Variants in CWC27 observed in about 807,000 individuals in gnomAD.
CWC27 encodes CWC27 spliceosome associated cyclophilin.
A neutral mutation model predicts 63.6 loss-of-function variants in CWC27; 47 were observed. The observed-to-expected ratio is 0.74, with a 90% confidence interval of 0.58 to 0.94. The LOEUF is 0.94. Ranked by LOEUF, CWC27 falls within the 40% of genes least tolerant of loss-of-function variation. The pLI is 0.00. For synonymous variants in CWC27, 175 were observed against 179.8 expected, an observed-to-expected ratio of 0.97 and a Z score of 0.22; for missense variants, 495 against 554.3, an observed-to-expected ratio of 0.89 and a Z score of 1.07.
chr5:64,917,970 A>C (rs1156566399), intron 11 of CWC27, among the ~76,000 whole-genome samples: 2 of 152,012 alleles, frequency 1.3e-5, no homozygotes, highest in Non-Finnish European at 2.9e-5. Context: ...ACACACACAC[A>C]TTGGTTGTAT....
chr5:64,993,532 C>A (rs1247592709), intron 13 of CWC27, among the ~76,000 whole-genome samples: 1 of 151,706 alleles, frequency 6.6e-6, no homozygotes, highest in African/African-American at 2.4e-5. Context: ...TTACAAAATG[C>A]GGAGGCTGGC....
intron 11 of CWC27, among the ~76,000 whole-genome samples, chr5:64,948,523 A>G (rs1002396099): frequency 2.0e-5 from 3 of 152,018 alleles, no homozygotes; most frequent in Non-Finnish European, 4.4e-5. Flanking sequence ...TTGGGTTACA[A>G]TAAATGTCTA....
At chr5:64,770,277 A>G (rs1388143226) in intron 1 of CWC27, among the ~76,000 whole-genome samples, 1 of 152,222 alleles carries the variant, frequency 6.6e-6, no homozygotes, top group Non-Finnish European at 1.5e-5. Flanking sequence ...TGGGCATTGT[A>G]GATTAGTATG....
rs141953077 is a variant in CWC27 at position 64,857,311 on chromosome 5, CTCAG to C, written c.939-28127_939-28124del. ...GATGTCTCTGTGCAGGCAGAAGATGCTCAGTCAGGATAGCTGTGTGATGTCTACC... is the reference window on the plus strand; with the variant it reads ...GATGTCTCTGTGCAGGCAGAAGATGCTCAGGATAGCTGTGTGATGTCTACC... On this transcript the variant is annotated intron_variant, in intron 10 of 13. Coordinates refer to ENST00000381070, the MANE Select transcript of CWC27 (RefSeq NM_005869.4). 6.7e-3 allele frequency among the ~76,000 whole-genome samples: 1,014 copies of C among 152,260 alleles called. 9 individuals are homozygous for C. Among genetic ancestry groups the C allele is most frequent in the African/African-American group, 0.023 (960 of 41,546 alleles).
chr5:64,928,425 ATC>A (rs1451512599), intron 11 of CWC27, among the ~76,000 whole-genome samples: 1 of 152,168 alleles, frequency 6.6e-6, no homozygotes, highest in African/African-American at 2.4e-5. Context: ...TCTTTTAGCA[ATC>A]TCTGTGTTGC....
rs2112350693 is a variant in CWC27 at position 64,890,610 on chromosome 5, T to C, written c.1042+5064T>C. On this transcript the variant is annotated intron_variant, in intron 11 of 13. Coordinates refer to ENST00000381070, the MANE Select transcript of CWC27 (RefSeq NM_005869.4). The stretch of plus-strand genomic sequence containing the variant: ...ATTTTTCTTCGTAGTCTACTCTTAA[T>C]CTATGTGCTAATTTTTACTTTATTT... Among the ~76,000 whole-genome samples the C allele has an allele frequency of 1.3e-5, 2 of 152,270 alleles. 1 individual carries two copies. The highest frequency in any genetic ancestry group is 4.1e-4 in the South Asian group (2 of 4,832).
At chr5:64,855,330 T>C (rs1051265070) in intron 10 of CWC27, among the ~76,000 whole-genome samples, 1 of 152,144 alleles carries the variant, frequency 6.6e-6, no homozygotes, top group African/African-American at 2.4e-5. Context: ...AGACTAGTGT[T>C]TGCAACTAGA....
Position 64,989,394 on chromosome 5 carries a change from A to G in CWC27, c.1256+12156A>G, listed in dbSNP as rs897264020. Among the ~76,000 whole-genome samples the G allele has an allele frequency of 3.9e-5, 6 of 152,334 alleles. No homozygotes were observed. In the South Asian group the frequency reaches 1.0e-3, roughly 26 times the overall value. On this transcript the variant is annotated intron_variant, in intron 13 of 13. Coordinates refer to ENST00000381070, the MANE Select transcript of CWC27 (RefSeq NM_005869.4). ...CCTTTTTTAAAAAACAAACATTTAG[A>G]TGGTACTGAATAATTCTCAGCATGA... is the stretch of plus-strand genomic sequence containing the variant.
chr5:64,924,644 T>C (rs1431824046), intron 11 of CWC27, among the ~76,000 whole-genome samples: 5 of 152,182 alleles, frequency 3.3e-5, no homozygotes, highest in African/African-American at 1.2e-4. Context: ...AACTAGTTCA[T>C]ATTTCCAAGA....
chr5:64,989,889 C>G (rs1749502032), intron 13 of CWC27, among the ~76,000 whole-genome samples: 1 of 151,906 alleles, frequency 6.6e-6, no homozygotes, highest in South Asian at 2.1e-4. Context: ...AGATCCCCAG[C>G]TGACAGATGG....
intron 11 of CWC27, among the ~76,000 whole-genome samples, chr5:64,912,069 G>T (rs1315645617): frequency 1.6e-5 from 2 of 126,528 alleles, no homozygotes; most frequent in South Asian, 5.2e-4. Context: ...GCGAGACTCT[G>T]TCTCAAAAAA....
At chr5:64,934,571 A>G (rs1267534633) in intron 11 of CWC27, among the ~76,000 whole-genome samples, 1 of 152,162 alleles carries the variant, frequency 6.6e-6, no homozygotes, top group Non-Finnish European at 1.5e-5. Flanking sequence ...ATAGGTGTGC[A>G]TATGTCTTTA....
At chr5:64,947,240 C>T (rs1371181466) in intron 11 of CWC27, among the ~76,000 whole-genome samples, 1 of 152,088 alleles carries the variant, frequency 6.6e-6, no homozygotes, top group Admixed American at 6.6e-5. Flanking sequence ...CAACACTGTT[C>T]CATCAGATAA....
In CWC27 at chr5:64,987,328, C is replaced by T. The variant is rs532075321; in HGVS notation, c.1256+10090C>T. ...GAGTTAATATTTTATCATTTCAAGA[C>T]GAATATAGAATTCTTACATGTATGT... is the stretch of plus-strand genomic sequence containing the variant. On this transcript the variant is annotated intron_variant, in intron 13 of 13. Coordinates refer to ENST00000381070, the MANE Select transcript of CWC27 (RefSeq NM_005869.4). Among the ~76,000 whole-genome samples, 75 of 152,216 alleles carry T rather than the reference C, an allele frequency of 4.9e-4. 1 individual carries two copies. Among genetic ancestry groups the T allele is most frequent in the Non-Finnish European group, 8.4e-4 (57 of 68,002 alleles).
At chr5:64,881,889 G>A (rs185572360) in intron 10 of CWC27, among the ~76,000 whole-genome samples, 9 of 152,088 alleles carry the variant, frequency 5.9e-5, no homozygotes, top group South Asian at 2.1e-4. Flanking sequence ...CTTAGTGTTC[G>A]GAAAACATCA....
At chr5:64,996,570 TA>T (rs1220947131) in intron 13 of CWC27, among the ~76,000 whole-genome samples, 1 of 151,186 alleles carries the variant, frequency 6.6e-6, no homozygotes, top group Non-Finnish European at 1.5e-5. Context: ...GGGAAAAGTC[TA>T]GTGCCCAAAT....
intron 10 of CWC27, among the ~76,000 whole-genome samples, chr5:64,846,993 CAA>C (rs35090437): frequency 4.6e-5 from 4 of 86,154 alleles, no homozygotes; most frequent in Non-Finnish European, 4.5e-5. Flanking sequence ...GACTCCATCT[CAA>C]AAAAAAAAAA....
intron 4 of CWC27, 112 bp downstream of exon 4, chr5:64,784,091 T>TA: frequency 3.3e-6 from 3 of 909,886 alleles, no homozygotes; most frequent in Non-Finnish European, 4.7e-6. Flanking sequence ...TGTAAAAACA[T>TA]TCCATAGGAT....
At chr5:64,937,921 C>CTTTTTTTTT (rs1211082437) in intron 11 of CWC27, among the ~76,000 whole-genome samples, 4 of 99,314 alleles carry the variant, frequency 4.0e-5, no homozygotes, top group Middle Eastern at 5.6e-3. Context: ...GCAATCTCTG[C>CTTTTTTTTT]TTTTTTTTTT....
Sources: gnomAD v4.1 joint callset for allele counts (sites outside exome capture counted in the v4.1 genomes callset) on GRCh38, gnomAD v4.1.1 for gene constraint, MANE v1.5 for transcripts, NCBI Gene and HGNC (gene_info 2026-07-23, HGNC 2026-07-21) for gene names.